Variants in RBFOX1 observed in about 807,000 individuals in gnomAD.
The protein encoded by RBFOX1 is RNA binding protein fox-1 homolog 1.
Under a neutral mutation model 57.7 loss-of-function variants are expected in RBFOX1, and 8 were observed. That is an observed-to-expected ratio of 0.14 (90% CI 0.08 to 0.25). The LOEUF (loss-of-function observed/expected upper bound fraction) is 0.25. RBFOX1 is among the 10% of genes least tolerant of loss of function. The pLI is 1.00. For synonymous variants in RBFOX1, 326 were observed against 222.4 expected (o/e 1.47, Z -4.15); for missense variants, 611 against 548.5 (o/e 1.11, Z -1.14).
At chr16:7,533,542 A>G (rs184649858) in intron 5 of RBFOX1, among the ~76,000 whole-genome samples, 1 of 152,206 alleles carries the variant, frequency 6.6e-6, no homozygotes. Flanking sequence ...CCTACTGAAC[A>G]TCATCACTTA....
chr16:7,500,623 T>C (rs1320567587), intron 4 of RBFOX1, among the ~76,000 whole-genome samples: 1 of 152,226 alleles, frequency 6.6e-6, no homozygotes, highest in Admixed American at 6.5e-5. Context: ...TATCACTAGA[T>C]ATGATTTGGG....
In RBFOX1 at chr16:5,971,071, C is replaced by T. The variant is rs571683020; in HGVS notation, c.351+103736C>T. Among the ~76,000 whole-genome samples the T allele has an allele frequency of 1.4e-4, 21 of 152,260 alleles. No individual in the cohort carries two copies. The South Asian group carries it at 3.5e-3, about 26-fold the overall frequency. On this transcript the variant is annotated intron_variant, in intron 4 of 19. Coordinates refer to the RBFOX1 transcript ENST00000641259. ...GAGCTGACATGACAGTGTTCCTGTC[C>T]CCTTTCGATCTTTATCTTTCTTCCT...
chr16:7,400,801 TAGG>T (rs1227646547), intron 4 of RBFOX1, among the ~76,000 whole-genome samples: 2 of 152,190 alleles, frequency 1.3e-5, no homozygotes, highest in Non-Finnish European at 2.9e-5. Flanking sequence ...GTGGTGATGT[TAGG>T]AGGAGTCAGT....
At chr16:5,703,439 C>G (rs959080994) in intron 3 of RBFOX1, among the ~76,000 whole-genome samples, 3 of 152,120 alleles carry the variant, frequency 2.0e-5, no homozygotes, top group Non-Finnish European at 4.4e-5. Flanking sequence ...GAACTGGAGC[C>G]CAGAGGGCAA....
chr16:6,957,165 T>C (rs1198636472), intron 3 of RBFOX1, among the ~76,000 whole-genome samples: 17 of 151,148 alleles, frequency 1.1e-4, no homozygotes, highest in Admixed American at 1.1e-3. Flanking sequence ...GGAGTCTTGC[T>C]CTGTCACCCA....
intron 2 of RBFOX1, among the ~76,000 whole-genome samples, chr16:6,431,404 G>A (rs1008706430): frequency 6.6e-6 from 1 of 151,962 alleles, no homozygotes; most frequent in Non-Finnish European, 1.5e-5. Context: ...GGGAAAAGGA[G>A]CGTTTTGGTG....
At chr16:7,058,449 C>G (rs565716702) in intron 4 of RBFOX1, among the ~76,000 whole-genome samples, 241 of 152,288 alleles carry the variant, frequency 1.6e-3, no homozygotes, top group African/African-American at 5.5e-3. Flanking sequence ...GCTACGCCTA[C>G]TGAGATAAAA....
At chr16:6,981,415 G>C (rs967780784) in intron 3 of RBFOX1, among the ~76,000 whole-genome samples, 1 of 152,118 alleles carries the variant, frequency 6.6e-6, no homozygotes, top group East Asian at 1.9e-4. Flanking sequence ...TCCCTGCAAA[G>C]GACATCATCT....
chr16:5,404,030 G>C (rs558415217), intron 1 of RBFOX1, among the ~76,000 whole-genome samples: 2 of 145,614 alleles, frequency 1.4e-5, no homozygotes. Flanking sequence ...GTTTGGTGCA[G>C]AGGACAGAAT....
intron 4 of RBFOX1, among the ~76,000 whole-genome samples, chr16:7,420,628 T>G (rs1025956141): frequency 1.3e-5 from 2 of 152,132 alleles, no homozygotes; most frequent in South Asian, 2.1e-4. Context: ...TCCTTCTGAC[T>G]TAGTGAAATT....
chr16:5,369,378 G>A (rs565859952), intron 1 of RBFOX1, among the ~76,000 whole-genome samples: 1 of 152,286 alleles, frequency 6.6e-6, no homozygotes, highest in South Asian at 2.1e-4. Context: ...ATGTCTCTAA[G>A]GCCCTTGGAA....
Position 6,552,215 on chromosome 16 carries a change from G to A in RBFOX1, c.-63-102388G>A, listed in dbSNP as rs568650882. ...ACCTTTGAAAGTCCTCATTTAAGCT[G>A]AATTAGACCAGTGAATAGAGTAATA... On this transcript the variant is annotated intron_variant, in intron 2 of 15. Coordinates refer to ENST00000550418, the MANE Select transcript of RBFOX1 (RefSeq NM_018723.4). Among the ~76,000 whole-genome samples, 5 of 152,242 alleles carry A rather than the reference G, an allele frequency of 3.3e-5. No homozygotes were observed. The South Asian group carries it at 6.2e-4, about 19-fold the overall frequency.
chr16:6,405,573 A>G (rs1184821580), intron 2 of RBFOX1, among the ~76,000 whole-genome samples: 1 of 152,216 alleles, frequency 6.6e-6, no homozygotes, highest in Non-Finnish European at 1.5e-5. Flanking sequence ...GGTCAGAACT[A>G]GTGAAATGGC....
chr16:5,665,042 C>T (rs1418706397), intron 3 of RBFOX1, among the ~76,000 whole-genome samples: 2 of 150,922 alleles, frequency 1.3e-5, no homozygotes, highest in Non-Finnish European at 2.9e-5. Context: ...ACCTCCCATG[C>T]TCAAATGATT....
At position 5,355,905 on chromosome 16, in the gene RBFOX1, A is replaced by C. The variant is rs2065376362; in HGVS notation, c.220-111311A>C. ...TAGGAGTTTGAGACCAGCCTGGCCA[A>C]CATGGCTAAACCCCGTATCTACAAA... On this transcript the variant is annotated intron_variant, in intron 1 of 2. Coordinates refer to the RBFOX1 transcript ENST00000585867. Among the ~76,000 whole-genome samples the C allele has an allele frequency of 1.3e-5, 2 of 152,320 alleles. 1 individual carries two copies. The highest frequency in any genetic ancestry group is 4.1e-4 in the South Asian group (2 of 4,824).
At position 6,405,060 on chromosome 16, in the gene RBFOX1, T is replaced by C. The variant is rs185223844; in HGVS notation, c.-64+88003T>C. ...AAGTATTTATGCCTGCATAACACAA[T>C]GATCAAGAGGCTTCCTGTGAGCCCA... is the stretch of plus-strand genomic sequence containing the variant. On this transcript the variant is annotated intron_variant, in intron 2 of 15. Transcript: ENST00000550418. Among the ~76,000 whole-genome samples the C allele has an allele frequency of 8.5e-5, 13 of 152,318 alleles. No individual in the cohort carries two copies. The East Asian group carries it at 2.5e-3, about 29-fold the overall frequency.
At position 5,284,000 on chromosome 16, in the gene RBFOX1, C is replaced by G. The variant is rs117341154; in HGVS notation, c.219+43895C>G. On this transcript the variant is annotated intron_variant, in intron 1 of 2. Coordinates refer to the RBFOX1 transcript ENST00000585867. ...AATTCCCACATGTTATTGGAGGGAC[C>G]TAGTGGGAAGTAATTGAGTCATGGG... Among the ~76,000 whole-genome samples, 1,542 of 152,192 alleles carry G rather than the reference C, an allele frequency of 0.01. 72 individuals are homozygous for G. The East Asian group carries it at 0.16, about 16-fold the overall frequency.
At chr16:5,807,799 C>A (rs758670162) in intron 3 of RBFOX1, among the ~76,000 whole-genome samples, 1 of 152,134 alleles carries the variant, frequency 6.6e-6, no homozygotes, top group African/African-American at 2.4e-5. Context: ...TGGGATGGGG[C>A]TGGAGAGTCT....
chr16:5,472,129 T>C (rs973867550), intron 2 of RBFOX1, among the ~76,000 whole-genome samples: 1 of 152,136 alleles, frequency 6.6e-6, no homozygotes, highest in Non-Finnish European at 1.5e-5. Flanking sequence ...GAGAATCTTA[T>C]TATCACGGCT....
Sources: gnomAD v4.1 joint callset for allele counts (sites outside exome capture counted in the v4.1 genomes callset) on GRCh38, gnomAD v4.1.1 for gene constraint, MANE v1.5 for transcripts, NCBI Gene and HGNC (gene_info 2026-07-23, HGNC 2026-07-21) for gene names.